Variants in FIG4 observed in about 807,000 individuals in gnomAD.
The protein encoded by FIG4 is polyphosphoinositide phosphatase.
A neutral mutation model predicts 118.6 loss-of-function variants in FIG4; 112 were observed. The ratio of observed to expected loss-of-function variants is 0.94; its 90% CI spans 0.81 to 1.11. FIG4 has a LOEUF of 1.11. Ranked by LOEUF, FIG4 falls within the 50% of genes least tolerant of loss-of-function variation. The probability of loss-of-function intolerance (pLI) is 0.00; values close to 1 mark genes in which losing one functional copy is unlikely to be tolerated. For missense variants in FIG4, 969 were observed against 1,111.7 expected, an observed-to-expected ratio of 0.87 and a Z score of 1.83; for synonymous variants, 369 against 381.2, an observed-to-expected ratio of 0.97 and a Z score of 0.37.
At position 109,723,074 on chromosome 6, in the gene FIG4, T is replaced by C. The variant is rs116722286; in HGVS notation, c.290-4035T>C. ...CACAGACTTGCTGTTCTTAACAAGATTTATTAGATTTTCTTGGATAAATGT... is the reference window on the plus strand; with the variant it reads ...CACAGACTTGCTGTTCTTAACAAGACTTATTAGATTTTCTTGGATAAATGT... On this transcript the variant is annotated intron_variant, in intron 3 of 22. Coordinates refer to ENST00000230124, the MANE Select transcript of FIG4 (RefSeq NM_014845.6). 3.1e-3 allele frequency among the ~76,000 whole-genome samples: 466 copies of C among 152,282 alleles called. 3 individuals are homozygous for C. Among genetic ancestry groups the C allele is most frequent in the African/African-American group, 0.011 (452 of 41,564 alleles).
chr6:109,716,002 C>A (rs1486067216), intron 2 of FIG4, among the ~76,000 whole-genome samples: 1 of 152,164 alleles, frequency 6.6e-6, no homozygotes, highest in Non-Finnish European at 1.5e-5. Context: ...CCTATCTGAG[C>A]ATTTTTAACA....
intron 10 of FIG4, among the ~76,000 whole-genome samples, chr6:109,746,914 G>A (rs140932679): frequency 6.6e-6 from 1 of 152,128 alleles, no homozygotes; most frequent in Non-Finnish European, 1.5e-5. Context: ...TTGGTGATGG[G>A]CTGGATTTGA....
chr6:109,742,978 T>A, intron 8 of FIG4, 132 bp from the exon 9 acceptor site: 1 of 797,242 alleles, frequency 1.3e-6, no homozygotes, highest in Non-Finnish European at 2.0e-6. Context: ...GATCAATATT[T>A]ACCTCTCAAG....
chr6:109,801,006 C>T (rs1390684995), intron 22 of FIG4, among the ~76,000 whole-genome samples: 1 of 152,112 alleles, frequency 6.6e-6, no homozygotes, highest in African/African-American at 2.4e-5. Context: ...CGTGCAAGAC[C>T]AACACGTTCT....
rs1583643080 is a variant in FIG4, at chr6:109,716,497, G to A, written c.218G>A (p.Gly73Glu). The change falls in exon 3 of 23, where the codon GGA (glycine) becomes GAA (glutamate). Residue 73 changes from glycine to glutamate, a missense_variant. By Grantham distance (98) the Gly-to-Glu change is moderately conservative. Transcript: ENST00000230124. Reference sequence around the variant, plus strand: ...GAACTTCTTGGCCGCTTGGATCTTGGAAATAGAACAAAGATGGGACAGAAA... The same window carrying A: ...GAACTTCTTGGCCGCTTGGATCTTGAAAATAGAACAAAGATGGGACAGAAA... Reference protein sequence around the residue: ...VRELLGRLDLGNRTKMGQKGS... With the variant: ...VRELLGRLDLENRTKMGQKGS... 6.2e-7 allele frequency: 1 copy of A among 1,613,932 alleles called. No individual in the cohort carries two copies. Among genetic ancestry groups the A allele is most frequent in the Non-Finnish European group, 8.5e-7 (1 of 1,179,864 alleles).
chr6:109,739,412 A>G (rs1438972045), intron 7 of FIG4, among the ~76,000 whole-genome samples: 2 of 152,134 alleles, frequency 1.3e-5, no homozygotes, highest in Non-Finnish European at 2.9e-5. Context: ...TTTTGCATTC[A>G]GCATGTTTTC....
At chr6:109,778,700 G>A (rs1457405080) in intron 16 of FIG4, among the ~76,000 whole-genome samples, 2 of 151,966 alleles carry the variant, frequency 1.3e-5, no homozygotes, top group African/African-American at 2.4e-5. Context: ...CCGGGTTCAC[G>A]CCATTCTCCT....
rs1442348456 is a variant in FIG4 at position 109,796,872 on chromosome 6, T to G, written c.2546+21T>G. 6 of 1,380,860 alleles carry G rather than the reference T, an allele frequency of 4.3e-6. No individual in the cohort carries two copies. In the South Asian group the frequency reaches 6.9e-5, roughly 16 times the overall value. 85.5% of individuals were successfully genotyped at this position (1,380,860 alleles called of 1,614,324 possible). Reference sequence around the variant, plus strand: ...AAACTGTAAGTACTAGATTAGATCTTTAAAGAAATCTTTGTATTCATGCCA... The same window carrying G: ...AAACTGTAAGTACTAGATTAGATCTGTAAAGAAATCTTTGTATTCATGCCA... On this transcript the variant is annotated intron_variant, in intron 22 of 22. Coordinates refer to ENST00000230124, the MANE Select transcript of FIG4 (RefSeq NM_014845.6).
chr6:109,696,545 A>G (rs1014162131), intron 1 of FIG4, among the ~76,000 whole-genome samples: 1 of 152,254 alleles, frequency 6.6e-6, no homozygotes, highest in South Asian at 2.1e-4. Context: ...CACACAATGG[A>G]ATACTATTCA....
At position 109,805,800 on chromosome 6, in the gene FIG4, A is replaced by G. The variant is rs189720722; in HGVS notation, c.2546+8949A>G. ...GAGAAATGTATTAGTTTTTTTTACA[A>G]TAAAACTTTTAGGTTTATTTCAAAA... On this transcript the variant is annotated intron_variant, in intron 22 of 22. Transcript: ENST00000230124. Among the ~76,000 whole-genome samples, 3 of 152,298 alleles carry G rather than the reference A, an allele frequency of 2.0e-5. No individual in the cohort carries two copies. The East Asian group carries it at 5.8e-4, about 29-fold the overall frequency.
At position 109,715,131 on chromosome 6, in the gene FIG4, G is replaced by A. The variant is rs1346518731; in HGVS notation, c.120G>A (p.Lys40=). The A allele has an allele frequency of 6.2e-7, 1 of 1,607,970 alleles. No homozygotes were observed. The highest frequency in any genetic ancestry group is 8.5e-7 in the Non-Finnish European group (1 of 1,175,056). The change falls in exon 2 of 23, where the codon AAG becomes AAA. Residue 40 remains lysine, a synonymous_variant. Coordinates refer to ENST00000230124, the MANE Select transcript of FIG4 (RefSeq NM_014845.6). ...NNAETKYRVL[K]IDRTEPKDLV... ...CAGAAACGAAATATCGTGTCTTGAAGATTGATAGAACAGAACCAAAAGATT... is the reference window on the plus strand; with the variant it reads ...CAGAAACGAAATATCGTGTCTTGAAAATTGATAGAACAGAACCAAAAGATT...
intron 5 of FIG4, among the ~76,000 whole-genome samples, chr6:109,733,982 A>G (rs1776085031): frequency 1.3e-5 from 2 of 152,014 alleles, no homozygotes; most frequent in South Asian, 4.1e-4. Context: ...TCTAGAAAAA[A>G]GGAATTGTTT....
At chr6:109,699,066 C>T (rs1404319951) in intron 1 of FIG4, among the ~76,000 whole-genome samples, 1 of 152,084 alleles carries the variant, frequency 6.6e-6, no homozygotes, top group Non-Finnish European at 1.5e-5. Context: ...TCAATGTTTG[C>T]TAGGATTCAC....
intron 2 of FIG4, among the ~76,000 whole-genome samples, chr6:109,715,411 A>G (rs1382143630): frequency 6.6e-6 from 1 of 152,164 alleles, no homozygotes; most frequent in Non-Finnish European, 1.5e-5. Context: ...TTTCGAAAAC[A>G]CACTCTTAGG....
At chr6:109,700,737 G>A (rs114047126) in intron 1 of FIG4, among the ~76,000 whole-genome samples, 2,234 of 152,278 alleles carry the variant, frequency 0.015, 58 homozygotes, top group African/African-American at 0.051. Context: ...GCTTTCTGAT[G>A]GTTCAGTGTA....
At chr6:109,820,815 C>G (rs552323426) in intron 22 of FIG4, among the ~76,000 whole-genome samples, 2 of 152,132 alleles carry the variant, frequency 1.3e-5, no homozygotes, top group Non-Finnish European at 2.9e-5. Flanking sequence ...CTGTGCGATA[C>G]AGTATCCTCA....
chr6:109,745,006 GTA>G (rs1408753198), intron 10 of FIG4, among the ~76,000 whole-genome samples: 4 of 152,126 alleles, frequency 2.6e-5, no homozygotes, highest in South Asian at 4.1e-4. Context: ...ATTCCATGGT[GTA>G]TATGTGTCAC....
intron 10 of FIG4, among the ~76,000 whole-genome samples, chr6:109,757,144 C>T (rs1031846181): frequency 1.3e-5 from 2 of 151,278 alleles, no homozygotes; most frequent in East Asian, 1.9e-4. Flanking sequence ...TCTTTTCAAA[C>T]AAACAGCTCC....
intron 2 of FIG4, among the ~76,000 whole-genome samples, chr6:109,716,163 TGAAATTTACCTGTAGA>T (rs1775424086): frequency 6.6e-6 from 1 of 152,232 alleles, no homozygotes; most frequent in Non-Finnish European, 1.5e-5. Flanking sequence ...CATGGACTCT[TGAAATTTACCTGTAGA>T]TCCCTTAAAT....
Sources: allele counts gnomAD v4.1 joint callset (sites outside exome capture counted in the v4.1 genomes callset), GRCh38; gene constraint gnomAD v4.1.1; transcripts MANE v1.5; gene names NCBI Gene and HGNC (gene_info 2026-07-23, HGNC 2026-07-21).